BRMS1: variants seen among roughly 807,000 people sequenced by gnomAD.
BRMS1 encodes breast cancer metastasis-suppressor 1.
In BRMS1, 26 loss-of-function variants were observed where a neutral mutation model predicts 40.4. The ratio of observed to expected loss-of-function variants is 0.64; its 90% CI spans 0.47 to 0.89. The LOEUF (loss-of-function observed/expected upper bound fraction) is 0.89, where lower values mean the gene tolerates loss of function less well. BRMS1 is among the 40% of genes least tolerant of loss of function. BRMS1 has a pLI of 0.00. For missense variants in BRMS1, 289 were observed against 309.4 expected, an observed-to-expected ratio of 0.93 and a Z score of 0.49; for synonymous variants, 103 against 116.0, an observed-to-expected ratio of 0.89 and a Z score of 0.72.
At position 66,341,927 on chromosome 11, in the gene BRMS1, G is replaced by C. The variant is rs534825991; in HGVS notation, c.139+169C>G. 9 of 756,024 alleles carry C rather than the reference G, an allele frequency of 1.2e-5. No homozygotes were observed. The African/African-American group carries it at 1.2e-4, about 10-fold the overall frequency. 46.8% of individuals were successfully genotyped at this position (756,024 alleles called of 1,614,324 possible). A position where few individuals can be genotyped will look rare whatever the true frequency, so the allele number is the denominator to read the frequency against. On this transcript the variant is annotated intron_variant, in intron 2 of 9. Coordinates refer to ENST00000359957, the MANE Select transcript of BRMS1 (RefSeq NM_015399.4). The surrounding 1 kb of genome is among the most constrained non-coding windows in gnomAD (Gnocchi z 4.9). ...GCTGTGTGTGCGTGCTTGTGTGTAGGGGCTGTGTGTGCGTGTGTGCGCTTG... is the reference window on the plus strand; with the variant it reads ...GCTGTGTGTGCGTGCTTGTGTGTAGCGGCTGTGTGTGCGTGTGTGCGCTTG...
intron 7 of BRMS1, chr11:66,339,811 G>A: frequency 3.6e-6 from 1 of 281,128 alleles, no homozygotes; most frequent in East Asian, 6.7e-5. Context: ...TGCCCAAGCT[G>A]GTCTCGAAAA....
rs763092774 is a variant in BRMS1 at position 66,341,661 on chromosome 11, G to A, written c.140-38C>T. Reference sequence around the variant, plus strand: ...GCCAGTAAGGGCTAGCTCTGGGGAGGAGTGGTGGGTACCCGCATGTGTGCA... The same window carrying A: ...GCCAGTAAGGGCTAGCTCTGGGGAGAAGTGGTGGGTACCCGCATGTGTGCA... On this transcript the variant is annotated intron_variant, in intron 2 of 9. Coordinates refer to ENST00000359957, the MANE Select transcript of BRMS1 (RefSeq NM_015399.4). This position sits in a 1 kb window ranked among gnomAD's most constrained non-coding sequence, Gnocchi z 4.9. 2 of 1,573,132 alleles carry A rather than the reference G, an allele frequency of 1.3e-6. No homozygotes were observed. Among genetic ancestry groups the A allele is most frequent in the African/African-American group, 1.3e-5 (1 of 74,314 alleles).
rs368698243 is a variant in BRMS1, at chr11:66,340,768, G to A, written c.535+6C>T. 551 of 1,609,006 alleles carry A rather than the reference G, an allele frequency of 3.4e-4. No homozygotes were observed. The highest frequency in any genetic ancestry group is 4.4e-4 in the Non-Finnish European group (517 of 1,179,216). ...AGTTCCGGGGTGCCCAGGCTCTCGC[G>A]CTTACCAGAGCTGAGGTCCAGGCTC... On this transcript the variant is annotated splice_donor_region_variant and intron_variant, in intron 6 of 9. Transcript: ENST00000359957.
chr11:66,337,392 A>G lies in BRMS1; in HGVS notation c.*490T>C, dbSNP rs1168469844. 2.3e-6 allele frequency: 1 copy of G among 440,266 alleles called. No homozygotes were observed. Among genetic ancestry groups the G allele is most frequent in the Non-Finnish European group, 4.1e-6 (1 of 243,642 alleles). 27.3% of individuals were successfully genotyped at this position (440,266 alleles called of 1,614,324 possible). ...TGGAATCTGAGAAGCAGACACCAAG[A>G]ACTGCCCTGAGAACACCTGGGGGGC... On this transcript the variant is annotated 3_prime_UTR_variant, in exon 10 of 10. Transcript: ENST00000359957.
In BRMS1 at chr11:66,337,625, G is replaced by A. The variant is rs1193637546; in HGVS notation, c.*257C>T. On this transcript the variant is annotated 3_prime_UTR_variant, in exon 10 of 10. Transcript: ENST00000359957. ...GATGGATCTTCAGGAGTGGGAGGTGGCAGGCGGCTCAGGGATGGAGACAGC... is the reference window on the plus strand; with the variant it reads ...GATGGATCTTCAGGAGTGGGAGGTGACAGGCGGCTCAGGGATGGAGACAGC... 1 of 1,431,114 alleles carries A rather than the reference G, an allele frequency of 7.0e-7. No homozygotes were observed. 88.7% of individuals were successfully genotyped at this position (1,431,114 alleles called of 1,614,324 possible).
At chr11:66,339,147 T>G (rs573519709) in intron 7 of BRMS1, among the ~76,000 whole-genome samples, 1 of 152,288 alleles carries the variant, frequency 6.6e-6, no homozygotes, top group Admixed American at 6.5e-5. Context: ...CCTCCCCCAG[T>G]GCTCCCTACT....
intron 7 of BRMS1, 151 bp from the exon 8 acceptor site, chr11:66,338,936 A>C: frequency 5.6e-6 from 4 of 716,280 alleles, no homozygotes; most frequent in Non-Finnish European, 9.1e-6. Flanking sequence ...CTACCTCTTA[A>C]CCCCCTGGTT....
Position 66,342,148 on chromosome 11 carries a change from CTCTT to C in BRMS1, c.83_86del (p.Glu28GlyfsTer39). On this transcript the variant is annotated frameshift_variant, in exon 2 of 10. Transcript: ENST00000359957. LOFTEE classifies it high-confidence loss of function. ...GGCTGCCGCTCCGCTCCTCCTCACT[CTCTT>C]CCTCCTCCCCATTCATCTCAGCAGC... is the stretch of plus-strand genomic sequence containing the variant. 1.9e-6 allele frequency: 3 copies of C among 1,613,938 alleles called. No individual in the cohort carries two copies. Among genetic ancestry groups the C allele is most frequent in the Non-Finnish European group, 2.5e-6 (3 of 1,180,028 alleles).
Position 66,345,058 on chromosome 11 carries a change from CCGTAGGCGCTG to C in BRMS1, c.-105_-95del, listed in dbSNP as rs1469755089. On this transcript the variant is annotated 5_prime_UTR_variant, in exon 1 of 10. Coordinates refer to ENST00000359957, the MANE Select transcript of BRMS1 (RefSeq NM_015399.4). ...GGTACCGGCTGCTGCCGCCGGACTC[CCGTAGGCGCTG>C]CGCGGCTCCCTTTTCTTCGGGAGGC... 4 of 152,280 alleles carry C rather than the reference CCGTAGGCGCTG, an allele frequency of 2.6e-5. No individual in the cohort carries two copies. The highest frequency in any genetic ancestry group is 9.6e-5 in the African/African-American group (4 of 41,470). 9.4% of individuals were successfully genotyped at this position (152,280 alleles called of 1,614,324 possible).
At chr11:66,338,633 G>T in intron 8 of BRMS1, 88 bp downstream of exon 8, 1 of 1,605,896 alleles carries the variant, frequency 6.2e-7, no homozygotes, top group Non-Finnish European at 8.5e-7. Flanking sequence ...GGTGAGCAGA[G>T]AACTCCCAGG....
intron 9 of BRMS1, 35 bp downstream of exon 9, chr11:66,338,208 G>A (rs1326276642): frequency 6.8e-6 from 11 of 1,606,664 alleles, no homozygotes; most frequent in Non-Finnish European, 9.4e-6. Context: ...ATGGCAAGGG[G>A]GCAGGGAAGG....
intron 1 of BRMS1, among the ~76,000 whole-genome samples, chr11:66,342,510 G>A (rs1565207363): frequency 1.3e-5 from 2 of 152,180 alleles, no homozygotes; most frequent in African/African-American, 2.4e-5. Flanking sequence ...GTGATCCACA[G>A]AAAGGAAAGG....
In BRMS1 at chr11:66,338,238, C is replaced by T; in HGVS notation, c.733+5G>A. Reference sequence around the variant, plus strand: ...GGAAGGCCATGCAACAGCCATGGTTCTTACCATCCGATTTTCTCTTCTGAG... The same window carrying T: ...GGAAGGCCATGCAACAGCCATGGTTTTTACCATCCGATTTTCTCTTCTGAG... On this transcript the variant is annotated splice_donor_5th_base_variant and intron_variant, in intron 9 of 9. Coordinates refer to ENST00000359957, the MANE Select transcript of BRMS1 (RefSeq NM_015399.4). 1.9e-6 allele frequency: 3 copies of T among 1,611,266 alleles called. No individual in the cohort carries two copies. The highest frequency in any genetic ancestry group is 2.5e-6 in the Non-Finnish European group (3 of 1,178,632).
rs1328281495 is a variant in BRMS1 at position 66,337,658 on chromosome 11, C to T, written c.*224G>A. Reference sequence around the variant, plus strand: ...CTCAGGGATGGAGACAGCAGCCTTGCCTGGTCAGGTCAGCTCCACGGCCAC... The same window carrying T: ...CTCAGGGATGGAGACAGCAGCCTTGTCTGGTCAGGTCAGCTCCACGGCCAC... On this transcript the variant is annotated 3_prime_UTR_variant, in exon 10 of 10. Transcript: ENST00000359957. The T allele has an allele frequency of 6.5e-7, 1 of 1,543,618 alleles. No individual in the cohort carries two copies. Among genetic ancestry groups the T allele is most frequent in the Admixed American group, 2.0e-5 (1 of 50,586 alleles).
rs530592071 is a variant in BRMS1 at position 66,343,675 on chromosome 11, G to C, written c.-8+1297C>G. Among the ~76,000 whole-genome samples the C allele has an allele frequency of 9.2e-5, 14 of 152,286 alleles. 1 individual carries two copies. In the South Asian group the frequency reaches 2.9e-3, roughly 32 times the overall value. ...AAGGAAAGCAGCTGGGGGAACATGG[G>C]TCTAAGTCTCAGTGAGAAATCTGAG... On this transcript the variant is annotated intron_variant, in intron 1 of 9. Transcript: ENST00000359957.
At position 66,337,785 on chromosome 11, in the gene BRMS1, G is replaced by C. The variant is rs748585044; in HGVS notation, c.*97C>G. 1.2e-6 allele frequency: 2 copies of C among 1,613,888 alleles called. No homozygotes were observed. The highest frequency in any genetic ancestry group is 2.2e-5 in the South Asian group (2 of 91,080). On this transcript the variant is annotated 3_prime_UTR_variant, in exon 10 of 10. Coordinates refer to ENST00000359957, the MANE Select transcript of BRMS1 (RefSeq NM_015399.4). ...ACAGGAGCCTGGCTGGGCAGACCCTGAGGGGCCTGTGGGTCCGCCTGTCTG... is the reference window on the plus strand; with the variant it reads ...ACAGGAGCCTGGCTGGGCAGACCCTCAGGGGCCTGTGGGTCCGCCTGTCTG...
At position 66,341,736 on chromosome 11, in the gene BRMS1, G is replaced by A; in HGVS notation, c.140-113C>T. ...GCATGCATGCCTGTGTGTAGGGCCT[G>A]TGTGTGTGTGCGCGTACATGCTTGT... On this transcript the variant is annotated intron_variant, in intron 2 of 9. Coordinates refer to ENST00000359957, the MANE Select transcript of BRMS1 (RefSeq NM_015399.4). This position sits in a 1 kb window ranked among gnomAD's most constrained non-coding sequence, Gnocchi z 4.9. The A allele has an allele frequency of 1.2e-6, 1 of 868,860 alleles. No individual in the cohort carries two copies. The highest frequency in any genetic ancestry group is 1.4e-5 in the South Asian group (1 of 73,130). 53.8% of individuals were successfully genotyped at this position (868,860 alleles called of 1,614,324 possible). A position where few individuals can be genotyped will look rare whatever the true frequency, so the allele number is the denominator to read the frequency against.
chr11:66,342,037 ATGTGTGTGTGTAGGGGCTC>A, intron 2 of BRMS1, 40 bp downstream of exon 2: 1 of 1,501,368 alleles, frequency 6.7e-7, no homozygotes, highest in South Asian at 1.2e-5. Flanking sequence ...GTGTGTGTGC[ATGTGTGTGTGTAGGGGCTC>A]TGTGTGTGTG....
At chr11:66,338,505 C>T (rs1307572231) in intron 8 of BRMS1, 17 of 1,531,632 alleles carry the variant, frequency 1.1e-5, no homozygotes, top group South Asian at 9.6e-5. Context: ...AAAACCTGCC[C>T]CAGAACGGGA....
Sources: allele counts gnomAD v4.1 joint callset (sites outside exome capture counted in the v4.1 genomes callset), GRCh38; gene constraint gnomAD v4.1.1; non-coding constraint Gnocchi (gnomAD v3.1); transcripts MANE v1.5; gene names NCBI Gene and HGNC (gene_info 2026-07-23, HGNC 2026-07-21).